RMDN1: variants seen among roughly 807,000 people sequenced by gnomAD.
RMDN1 encodes the protein regulator of microtubule dynamics 1.
RMDN1 carries 48 observed loss-of-function variants against 48.9 expected under a neutral mutation model. The ratio of observed to expected loss-of-function variants is 0.98; its 90% confidence interval spans 0.78 to 1.25. The LOEUF (loss-of-function observed/expected upper bound fraction) is 1.25. RMDN1 is among the 50% of genes most tolerant of loss of function. The probability of loss-of-function intolerance (pLI) is 0.00; values close to 1 mark genes in which losing one functional copy is unlikely to be tolerated. For missense variants in RMDN1, 418 were observed against 373.4 expected (o/e 1.12, Z -0.98); for synonymous variants, 148 against 132.6 (o/e 1.12, Z -0.80).
In RMDN1 at chr8:86,507,029, G is replaced by C. The variant is rs1158287824; in HGVS notation, c.213C>G (p.Ile71Met). Residue 71 changes from isoleucine to methionine, a missense_variant, in exon 2 of 10, where the codon ATC (isoleucine) becomes ATG (methionine). Physicochemically the swap from Ile to Met is conservative, Grantham distance 10. Transcript: ENST00000406452. ...TGGCATGAACCACAGCAGCCTGAGAGATAACCTGGTAAGTTTCAAAACCCA... is the reference window on the plus strand; with the variant it reads ...TGGCATGAACCACAGCAGCCTGAGACATAACCTGGTAAGTTTCAAAACCCA... ...SYLGFETYQV[I>M]SQAAVVHATA... 6.2e-7 allele frequency: 1 copy of C among 1,611,264 alleles called. No homozygotes were observed. Among genetic ancestry groups the C allele is most frequent in the African/African-American group, 1.3e-5 (1 of 74,898 alleles).
intron 8 of RMDN1, among the ~76,000 whole-genome samples, chr8:86,477,049 C>A (rs1373249192): frequency 1.3e-5 from 2 of 152,094 alleles, no homozygotes; most frequent in Non-Finnish European, 2.9e-5. Context: ...AGACTGCTCT[C>A]ACAAAGGAAG....
chr8:86,503,520 C>A, intron 2 of RMDN1: 1 of 222,294 alleles, frequency 4.5e-6, no homozygotes, highest in Non-Finnish European at 9.2e-6. Flanking sequence ...AAAGTTATCT[C>A]TGGAATCACA....
chr8:86,508,913 T>G, upstream of RMDN1: 1 of 610,646 alleles, frequency 1.6e-6, no homozygotes, highest in East Asian at 5.4e-5. Context: ...GCTCCATCTC[T>G]CTAGGGGGTC....
Position 86,503,579 on chromosome 8 carries a change from C to T in RMDN1, c.247+3416G>A, listed in dbSNP as rs115094616. The T allele has an allele frequency of 1.4e-3, 575 of 417,974 alleles. 3 individuals carry two copies. The highest frequency in any genetic ancestry group is 0.011 in the African/African-American group (524 of 48,892). The allele number at this position is 417,974 out of a possible 1,614,324, so 25.9% of individuals were successfully genotyped here. ...TGAAAAGAATTAGATTAGGACCATG[C>T]GGACACAGAAGGTCACCCCAGCTCT... On this transcript the variant is annotated intron_variant, in intron 2 of 9. Coordinates refer to ENST00000406452, the MANE Select transcript of RMDN1 (RefSeq NM_016033.3).
chr8:86,504,352 G>A (rs1423576988), intron 2 of RMDN1: 11 of 1,577,374 alleles, frequency 7.0e-6, no homozygotes, highest in African/African-American at 4.0e-5. Flanking sequence ...GCAAGTCACC[G>A]TGCTGGAGTT....
At position 86,472,710 on chromosome 8, in the gene RMDN1, G is replaced by A; in HGVS notation, c.*1598C>T. ...TGCGAGTTATGTCATATTTTTTACTGTTAAGTACTTATGCATGAATAAGTA... is the reference window on the plus strand; with the variant it reads ...TGCGAGTTATGTCATATTTTTTACTATTAAGTACTTATGCATGAATAAGTA... On this transcript the variant is annotated 3_prime_UTR_variant, in exon 10 of 10. Coordinates refer to ENST00000406452, the MANE Select transcript of RMDN1 (RefSeq NM_016033.3). 5.9e-6 allele frequency: 3 copies of A among 507,990 alleles called. No homozygotes were observed. Among genetic ancestry groups the A allele is most frequent in the Non-Finnish European group, 1.0e-5 (3 of 289,168 alleles). The allele number at this position is 507,990 out of a possible 1,614,324, so 31.5% of individuals were successfully genotyped here. A position where few individuals can be genotyped will look rare whatever the true frequency, so the allele number is the denominator to read the frequency against.
At chr8:86,492,328 T>C (rs1240943017) in intron 2 of RMDN1, among the ~76,000 whole-genome samples, 1 of 152,192 alleles carries the variant, frequency 6.6e-6, no homozygotes, top group Non-Finnish European at 1.5e-5. Flanking sequence ...TGTATTAGCA[T>C]ACCTTGGGGC....
chr8:86,482,620 C>CCT, intron 5 of RMDN1: 1 of 765,550 alleles, frequency 1.3e-6, no homozygotes, highest in Non-Finnish European at 2.4e-6. Context: ...ATCACTGAAG[C>CCT]CTCCCACGAG....
At chr8:86,503,385 A>AAAAAAACAAAAC (rs1554594088) in intron 2 of RMDN1, among the ~76,000 whole-genome samples, 10 of 81,088 alleles carry the variant, frequency 1.2e-4, no homozygotes, top group African/African-American at 2.7e-4. Context: ...AAAAAAAAAA[A>AAAAAAACAAAAC]AAAACAAAAA....
chr8:86,473,998 T>C lies in RMDN1; in HGVS notation c.*310A>G, dbSNP rs982056742. 6.5e-6 allele frequency: 7 copies of C among 1,080,410 alleles called. No homozygotes were observed. The East Asian group carries it at 3.4e-4, about 53-fold the overall frequency. 66.9% of individuals were successfully genotyped at this position (1,080,410 alleles called of 1,614,324 possible). A position where few individuals can be genotyped will look rare whatever the true frequency, so the allele number is the denominator to read the frequency against. ...ATCCATTTCCCCTCCTCTACAAATA[T>C]TTCTTTGCTTGATCTCCCATCCCAA... On this transcript the variant is annotated 3_prime_UTR_variant, in exon 10 of 10. Transcript: ENST00000406452.
intron 2 of RMDN1, among the ~76,000 whole-genome samples, chr8:86,503,385 A>AAAAAAAAAAAAAAAAAAAAAAAAAAC (rs1554594088): frequency 1.2e-5 from 1 of 81,094 alleles, no homozygotes; most frequent in African/African-American, 6.8e-5. Flanking sequence ...AAAAAAAAAA[A>AAAAAAAAAAAAAAAAAAAAAAAAAAC]AAAACAAAAA....
intron 2 of RMDN1, chr8:86,504,441 T>A (rs1263543156): frequency 1.9e-6 from 3 of 1,560,274 alleles, no homozygotes; most frequent in South Asian, 1.1e-5. Flanking sequence ...CTGGAATCAA[T>A]GTTGTGTTCT....
chr8:86,474,828 C>G lies in RMDN1; in HGVS notation c.886G>C (p.Asp296His). 4 of 1,607,292 alleles carry G rather than the reference C, an allele frequency of 2.5e-6. No individual in the cohort carries two copies. The highest frequency in any genetic ancestry group is 3.4e-6 in the Non-Finnish European group (4 of 1,178,056). ...TATGGGAGATGTTTTACCTGTTTAT[C>G]CTCCTCTGTGTGTGCTGGATAGTCC... The part of the protein sequence containing the change: ...AKDYPAHTEE[D>H]KQIQTEAAQL... The change falls in exon 9 of 10, where the codon GAT becomes CAT. Residue 296 changes from aspartate to histidine, a missense_variant. Transcript: ENST00000406452.
chr8:86,510,497 A>G (rs1306099731), upstream of RMDN1, among the ~76,000 whole-genome samples: 2 of 152,118 alleles, frequency 1.3e-5, no homozygotes, highest in African/African-American at 2.4e-5. Flanking sequence ...GTATAGTCCC[A>G]TCGGTTTAAA....
upstream of RMDN1, chr8:86,508,800 G>C (rs980826724): frequency 7.6e-6 from 10 of 1,323,526 alleles, no homozygotes; most frequent in African/African-American, 1.5e-5. Context: ...GGGCTTAGGG[G>C]GTGGGAAATA....
At chr8:86,504,086 A>G (rs1194549464) in intron 2 of RMDN1, 9 of 984,310 alleles carry the variant, frequency 9.1e-6, no homozygotes, top group South Asian at 2.5e-5. Flanking sequence ...CTGGTGGCCC[A>G]GATCTTTGGT....
Position 86,508,613 on chromosome 8 carries a change from A to C in RMDN1, c.8T>G (p.Leu3Arg), listed in dbSNP as rs1563672737. ...CAGAAGGCGCCACAGTCGAGCAGCC[A>C]GCGCCATGACCTGCAACTTGCGGGC... MA[L>R]AARLWRLLPF... Residue 3 changes from leucine (L) to arginine (R), a missense_variant, in exon 1 of 10, where the codon CTG (leucine) becomes CGG (arginine). Coordinates refer to ENST00000406452, the MANE Select transcript of RMDN1 (RefSeq NM_016033.3). 1.9e-6 allele frequency: 3 copies of C among 1,602,802 alleles called. No individual in the cohort carries two copies. In the South Asian group the frequency reaches 3.3e-5, roughly 18 times the overall value.
chr8:86,500,423 A>C (rs1183824105), intron 2 of RMDN1, among the ~76,000 whole-genome samples: 1 of 152,118 alleles, frequency 6.6e-6, no homozygotes, highest in Non-Finnish European at 1.5e-5. Context: ...AAACATGAAA[A>C]AATGTTTCAC....
intron 2 of RMDN1, among the ~76,000 whole-genome samples, chr8:86,500,146 C>CA (rs1391235347): frequency 2.6e-5 from 4 of 151,952 alleles, no homozygotes; most frequent in African/African-American, 9.7e-5. Flanking sequence ...GCAAAGTCTC[C>CA]AAAAGTAATT....
Sources: allele counts gnomAD v4.1 joint callset (sites outside exome capture counted in the v4.1 genomes callset), GRCh38; gene constraint gnomAD v4.1.1; transcripts MANE v1.5; gene names NCBI Gene and HGNC (gene_info 2026-07-23, HGNC 2026-07-21).